MIPEP: variants seen among roughly 807,000 people sequenced by gnomAD.
MIPEP encodes mitochondrial intermediate peptidase.
A neutral mutation model predicts 90.3 loss-of-function variants in MIPEP; 79 were observed. That is an observed-to-expected ratio of 0.87 (90% CI 0.73 to 1.05). The LOEUF (loss-of-function observed/expected upper bound fraction) is 1.05. MIPEP is among the 50% of genes least tolerant of loss of function. The pLI is 0.00. For synonymous variants in MIPEP, 334 were observed against 315.8 expected (o/e 1.06, Z -0.61); for missense variants, 940 against 905.6 (o/e 1.04, Z -0.49).
chr13:23,804,960 G>A (rs1293869195), intron 16 of MIPEP, among the ~76,000 whole-genome samples: 1 of 152,234 alleles, frequency 6.6e-6, no homozygotes, highest in East Asian at 1.9e-4. Context: ...ATTCAGTCTG[G>A]GGGGATTGCC....
intron 16 of MIPEP, chr13:23,766,020 C>T (rs1300977104): frequency 6.6e-6 from 1 of 152,150 alleles, no homozygotes; most frequent in East Asian, 1.9e-4. Context: ...TCCAAAAAGG[C>T]CTCTGATATG....
intron 17 of MIPEP, among the ~76,000 whole-genome samples, chr13:23,759,499 C>G (rs947031402): frequency 6.6e-6 from 1 of 151,362 alleles, no homozygotes; most frequent in Non-Finnish European, 1.5e-5. Context: ...ATCCCCCACA[C>G]CCCCCTAGAC....
intron 18 of MIPEP, among the ~76,000 whole-genome samples, chr13:23,734,969 C>T (rs1952245268): frequency 6.6e-6 from 1 of 152,216 alleles, no homozygotes; most frequent in African/African-American, 2.4e-5. Flanking sequence ...AAATGCCAGC[C>T]ATTAGAAAGT....
intron 16 of MIPEP, among the ~76,000 whole-genome samples, chr13:23,791,822 C>G (rs148525811): frequency 2.8e-4 from 43 of 152,262 alleles, no homozygotes; most frequent in African/African-American, 9.9e-4. Context: ...TCCAATTCTT[C>G]TCTCTCACTT....
At chr13:23,740,431 C>CA (rs5802249) in intron 18 of MIPEP, among the ~76,000 whole-genome samples, 31,829 of 135,622 alleles carry the variant, frequency 0.23, 3,609 homozygotes, top group African/African-American at 0.33. Flanking sequence ...TCTGTGGCCT[C>CA]AAAAAAAAAA....
intron 7 of MIPEP, among the ~76,000 whole-genome samples, chr13:23,866,088 C>T (rs964839161): frequency 5.3e-5 from 8 of 152,126 alleles, no homozygotes; most frequent in Admixed American, 3.3e-4. Context: ...CCGCCTTAGC[C>T]TCAGTCAGCC....
intron 4 of MIPEP, among the ~76,000 whole-genome samples, chr13:23,878,599 T>C (rs1211795817): frequency 2.0e-5 from 3 of 152,224 alleles, no homozygotes; most frequent in Admixed American, 6.5e-5. Context: ...ATACATATTA[T>C]AAGCAGGTTA....
chr13:23,836,093 G>C, intron 14 of MIPEP, 147 bp downstream of exon 14: 1 of 525,866 alleles, frequency 1.9e-6, no homozygotes, highest in Non-Finnish European at 3.3e-6. Flanking sequence ...AGAAAAGATA[G>C]GGAATCAGGA....
At chr13:23,858,952 T>C in intron 9 of MIPEP, 40 bp from the exon 10 acceptor site, 1 of 1,567,292 alleles carries the variant, frequency 6.4e-7, no homozygotes, top group Non-Finnish European at 8.8e-7. Context: ...AGCTACTGAC[T>C]CTTTCATAGT....
chr13:23,849,352 G>A (rs1483745128), intron 10 of MIPEP, among the ~76,000 whole-genome samples: 1 of 152,244 alleles, frequency 6.6e-6, no homozygotes, highest in African/African-American at 2.4e-5. Context: ...TTTGGCTTCA[G>A]TGCCATCCCT....
rs978662070 is a variant in MIPEP, at chr13:23,730,406, C to T, written c.2084G>A (p.Ser695Asn). 1.2e-6 allele frequency: 2 copies of T among 1,612,786 alleles called. No individual in the cohort carries two copies. Among genetic ancestry groups the T allele is most frequent in the African/African-American group, 1.3e-5 (1 of 74,968 alleles). Reference sequence around the variant, plus strand: ...CAGATCCAAGTCGGAAACGAGGGCACTTACGAAGTCATCAACAGAAGGACA... The same window carrying T: ...CAGATCCAAGTCGGAAACGAGGGCATTTACGAAGTCATCAACAGAAGGACA... ...QKCPSVDDFV[S>N]ALVSDLDLDF... Residue 695 changes from serine (S) to asparagine (N), a missense_variant, in exon 19 of 19, where the codon AGT becomes AAT. Ser to Asn is a conservative substitution (Grantham distance 46). Transcript: ENST00000382172.
intron 16 of MIPEP, among the ~76,000 whole-genome samples, chr13:23,775,156 T>TGTGTGTGTG (rs1952701740): frequency 6.8e-6 from 1 of 147,886 alleles, no homozygotes; most frequent in South Asian, 2.1e-4. Context: ...TGTGTGTGTG[T>TGTGTGTGTG]ATTCCTTAGG....
At chr13:23,838,628 A>G (rs944478654) in intron 12 of MIPEP, among the ~76,000 whole-genome samples, 2 of 152,146 alleles carry the variant, frequency 1.3e-5, no homozygotes, top group African/African-American at 4.8e-5. Flanking sequence ...TAAAACTAAA[A>G]CTAGTCTTAG....
chr13:23,749,457 AC>A (rs1391658832), intron 18 of MIPEP, among the ~76,000 whole-genome samples: 1 of 152,228 alleles, frequency 6.6e-6, no homozygotes, highest in African/African-American at 2.4e-5. Context: ...ATTTGAATAA[AC>A]GTGTCATCCT....
chr13:23,879,500 C>T, intron 3 of MIPEP, 146 bp from the exon 4 acceptor site: 1 of 561,646 alleles, frequency 1.8e-6, no homozygotes, highest in Non-Finnish European at 3.1e-6. Context: ...AACCATCCTT[C>T]CTTCCTTCTT....
At chr13:23,770,872 G>C (rs1952642313) in intron 16 of MIPEP, among the ~76,000 whole-genome samples, 1 of 152,170 alleles carries the variant, frequency 6.6e-6, no homozygotes, top group African/African-American at 2.4e-5. Context: ...CCTCAGCATT[G>C]GCCGTGGCAG....
At chr13:23,733,841 T>G (rs1222420059) in intron 18 of MIPEP, among the ~76,000 whole-genome samples, 5 of 152,210 alleles carry the variant, frequency 3.3e-5, no homozygotes, top group Admixed American at 3.3e-4. Flanking sequence ...GGGCTGTTAC[T>G]AGTTACTAGA....
At chr13:23,757,334 A>C (rs530442141) in intron 17 of MIPEP, among the ~76,000 whole-genome samples, 1 of 152,258 alleles carries the variant, frequency 6.6e-6, no homozygotes, top group African/African-American at 2.4e-5. Flanking sequence ...CTGCAAATAC[A>C]GATGAAGCTT....
chr13:23,819,418 T>C (rs1174586216), intron 14 of MIPEP, among the ~76,000 whole-genome samples: 2 of 152,214 alleles, frequency 1.3e-5, no homozygotes, highest in Non-Finnish European at 2.9e-5. Context: ...TCTGTTTCCT[T>C]GTTCCCACCT....
Sources: gnomAD v4.1 joint callset for allele counts (sites outside exome capture counted in the v4.1 genomes callset) on GRCh38, gnomAD v4.1.1 for gene constraint, MANE v1.5 for transcripts, NCBI Gene and HGNC (gene_info 2026-07-23, HGNC 2026-07-21) for gene names.